The following TTC28 variants were observed in gnomAD, a reference collection of about 807,000 sequenced individuals.
The protein encoded by TTC28 is tetratricopeptide repeat domain 28, also known as tetratricopeptide repeat protein 28.
Under a neutral mutation model 198.0 loss-of-function variants are expected in TTC28, and 61 were observed. The ratio of observed to expected loss-of-function variants is 0.31; its 90% CI spans 0.25 to 0.38. The LOEUF (loss-of-function observed/expected upper bound fraction) is 0.38, where lower values mean the gene tolerates loss of function less well. Among genes scored for constraint, TTC28 ranks in the 10% least tolerant of loss-of-function variants. The pLI is 1.00. For missense variants in TTC28, 2,678 were observed against 3,164.0 expected (o/e 0.85, Z 3.69); for synonymous variants, 1,171 against 1,297.8 (o/e 0.90, Z 2.10).
At chr22:28,357,262 A>G (rs1469948111) in intron 2 of TTC28, among the ~76,000 whole-genome samples, 5 of 151,284 alleles carry the variant, frequency 3.3e-5, no homozygotes, top group Non-Finnish European at 7.4e-5. Context: ...CCATTTCTCT[A>G]CATGAGCCAC....
chr22:28,028,040 C>T (rs563947159), intron 13 of TTC28, among the ~76,000 whole-genome samples: 6 of 152,362 alleles, frequency 3.9e-5, no homozygotes, highest in East Asian at 3.9e-4. Context: ...GTGAGAGAGG[C>T]GCCAGAGAAC....
intron 2 of TTC28, among the ~76,000 whole-genome samples, chr22:28,570,561 G>A (rs1300244775): frequency 1.3e-5 from 2 of 152,092 alleles, no homozygotes; most frequent in Non-Finnish European, 2.9e-5. Context: ...TTTGAGGGTG[G>A]GAGGAGAGTG....
chr22:28,129,689 C>G (rs1187636846), intron 6 of TTC28, among the ~76,000 whole-genome samples: 9 of 152,232 alleles, frequency 5.9e-5, no homozygotes, highest in Non-Finnish European at 8.8e-5. Context: ...TATCATTATT[C>G]TCTTCACCTC....
intron 5 of TTC28, among the ~76,000 whole-genome samples, chr22:28,236,403 CA>C (rs1281592073): frequency 6.6e-6 from 1 of 152,058 alleles, no homozygotes; most frequent in East Asian, 1.9e-4. Context: ...AGTAGAGTTC[CA>C]AGGTAAAGAA....
intron 2 of TTC28, among the ~76,000 whole-genome samples, chr22:28,503,435 G>T (rs1332600212): frequency 6.6e-6 from 1 of 152,112 alleles, no homozygotes; most frequent in African/African-American, 2.4e-5. Flanking sequence ...GCAAACTAAA[G>T]ATGAATATTT....
intron 10 of TTC28, among the ~76,000 whole-genome samples, chr22:28,098,079 C>G (rs908024987): frequency 1.3e-5 from 2 of 152,122 alleles, no homozygotes; most frequent in Admixed American, 1.3e-4. Flanking sequence ...AGGCAGATGA[C>G]GGAGAGCTGG....
intron 12 of TTC28, among the ~76,000 whole-genome samples, chr22:28,071,245 T>G (rs1023592335): frequency 3.3e-5 from 5 of 151,936 alleles, no homozygotes; most frequent in Admixed American, 1.3e-4. Flanking sequence ...TATACCCAAA[T>G]GACTATAAAT....
intron 2 of TTC28, among the ~76,000 whole-genome samples, chr22:28,515,949 A>G (rs1341555625): frequency 6.6e-6 from 1 of 152,176 alleles, no homozygotes; most frequent in African/African-American, 2.4e-5. Context: ...GTTCAAGACC[A>G]GCCTGGCCAA....
At chr22:28,463,779 G>A (rs1166418020) in intron 2 of TTC28, among the ~76,000 whole-genome samples, 2 of 151,980 alleles carry the variant, frequency 1.3e-5, no homozygotes, top group Non-Finnish European at 1.5e-5. Flanking sequence ...GGGGGAGGGG[G>A]AGGGATAGCA....
intron 10 of TTC28, among the ~76,000 whole-genome samples, chr22:28,098,218 G>A (rs1942030943): frequency 1.3e-5 from 2 of 152,214 alleles, no homozygotes; most frequent in African/African-American, 4.8e-5. Context: ...CCAGGTGGCA[G>A]AAACATTTAT....
chr22:28,645,881 C>A (rs1044221604), intron 1 of TTC28, among the ~76,000 whole-genome samples: 1 of 152,054 alleles, frequency 6.6e-6, no homozygotes, highest in Admixed American at 6.6e-5. Context: ...CGTGCCTCAG[C>A]GTCCCACGTA....
chr22:28,669,544 G>A (rs1204882721), intron 1 of TTC28, among the ~76,000 whole-genome samples: 1 of 152,074 alleles, frequency 6.6e-6, no homozygotes, highest in Non-Finnish European at 1.5e-5. Flanking sequence ...AGGAAACTAA[G>A]CTCCTAGTAG....
intron 2 of TTC28, among the ~76,000 whole-genome samples, chr22:28,501,080 T>C (rs2048531114): frequency 6.6e-6 from 1 of 152,122 alleles, no homozygotes; most frequent in Non-Finnish European, 1.5e-5. Context: ...GAAAAACTCA[T>C]AAAATGAACA....
chr22:28,566,335 A>C (rs1334294877), intron 2 of TTC28, among the ~76,000 whole-genome samples: 2 of 152,222 alleles, frequency 1.3e-5, no homozygotes, highest in Non-Finnish European at 2.9e-5. Context: ...ACTGAGGCAC[A>C]GTGGAGGGAA....
At chr22:28,489,082 G>C (rs902163637) in intron 2 of TTC28, among the ~76,000 whole-genome samples, 28 of 152,098 alleles carry the variant, frequency 1.8e-4, no homozygotes, top group African/African-American at 6.8e-4. Context: ...CCAGGAGCTT[G>C]AGACCAGCCT....
chr22:28,446,269 G>A (rs2047699293), intron 2 of TTC28, among the ~76,000 whole-genome samples: 1 of 151,774 alleles, frequency 6.6e-6, no homozygotes, highest in African/African-American at 2.4e-5. Flanking sequence ...GAATGAATGG[G>A]GTGTGGGGGT....
chr22:28,134,880 T>C (rs1684415669), intron 6 of TTC28, among the ~76,000 whole-genome samples: 1 of 152,180 alleles, frequency 6.6e-6, no homozygotes, highest in African/African-American at 2.4e-5. Flanking sequence ...TGTGTGGAAG[T>C]TGTCCATTTT....
chr22:28,582,685 G>A (rs2050249534), intron 2 of TTC28, among the ~76,000 whole-genome samples: 2 of 152,086 alleles, frequency 1.3e-5, no homozygotes, highest in African/African-American at 2.4e-5. Flanking sequence ...AAGACAGACT[G>A]TAAAGAAGGG....
intron 5 of TTC28, among the ~76,000 whole-genome samples, chr22:28,226,745 A>G (rs1403673959): frequency 6.6e-6 from 1 of 151,962 alleles, no homozygotes. Flanking sequence ...GCATTTTTTA[A>G]TGTTGTTTTT....
Sources: allele counts gnomAD v4.1 joint callset (sites outside exome capture counted in the v4.1 genomes callset), GRCh38; gene constraint gnomAD v4.1.1; transcripts MANE v1.5; gene names NCBI Gene and HGNC (gene_info 2026-07-23, HGNC 2026-07-21).